The following ADAMTS12 variants were observed in gnomAD, a reference collection of about 807,000 sequenced individuals.
ADAMTS12 encodes the protein ADAM metallopeptidase with thrombospondin type 1 motif 12.
Under a neutral mutation model 167.8 loss-of-function variants are expected in ADAMTS12, and 118 were observed. The observed-to-expected ratio is 0.70, with a 90% CI of 0.61 to 0.82. The LOEUF (loss-of-function observed/expected upper bound fraction) is 0.82. Ranked by LOEUF, ADAMTS12 falls within the 40% of genes least tolerant of loss-of-function variation. ADAMTS12 has a pLI of 0.00. For synonymous variants in ADAMTS12, 704 were observed against 716.9 expected, an observed-to-expected ratio of 0.98 and a Z score of 0.29; for missense variants, 1,916 against 1,998.8, an observed-to-expected ratio of 0.96 and a Z score of 0.79.
intron 22 of ADAMTS12, among the ~76,000 whole-genome samples, chr5:33,539,208 C>G (rs1383231092): frequency 6.6e-6 from 1 of 152,202 alleles, no homozygotes; most frequent in East Asian, 1.9e-4. Context: ...TCCCAAAGTG[C>G]TAGGACTACA....
chr5:33,793,081 TC>T (rs1746638458), intron 2 of ADAMTS12, among the ~76,000 whole-genome samples: 3 of 152,274 alleles, frequency 2.0e-5, no homozygotes. Flanking sequence ...CACTGGGGTT[TC>T]ATCTGCCTCA....
intron 1 of ADAMTS12, among the ~76,000 whole-genome samples, chr5:33,890,947 C>CT (rs1750820457): frequency 6.6e-6 from 1 of 152,158 alleles, no homozygotes; most frequent in African/African-American, 2.4e-5. Flanking sequence ...GCCATTGCTG[C>CT]TGCTAGGACT....
intron 2 of ADAMTS12, among the ~76,000 whole-genome samples, chr5:33,866,258 G>T (rs897989202): frequency 6.6e-6 from 1 of 152,090 alleles, no homozygotes; most frequent in Non-Finnish European, 1.5e-5. Context: ...TAGGCCAATG[G>T]AACTGAATAG....
chr5:33,837,339 A>T (rs1748569830), intron 2 of ADAMTS12, among the ~76,000 whole-genome samples: 1 of 152,236 alleles, frequency 6.6e-6, no homozygotes, highest in Non-Finnish European at 1.5e-5. Context: ...ACTGAGTGGC[A>T]ATGGTGGAAA....
At chr5:33,608,657 C>T (rs1738568726) in intron 16 of ADAMTS12, among the ~76,000 whole-genome samples, 1 of 152,144 alleles carries the variant, frequency 6.6e-6, no homozygotes, top group African/African-American at 2.4e-5. Context: ...ACCAGTTCCA[C>T]CCAGAGGTAC....
intron 7 of ADAMTS12, among the ~76,000 whole-genome samples, chr5:33,657,685 T>C (rs1469157885): frequency 1.3e-5 from 2 of 152,214 alleles, no homozygotes; most frequent in Non-Finnish European, 2.9e-5. Flanking sequence ...ATTTATTCCA[T>C]GTCCTCCTTT....
At chr5:33,655,942 A>G (rs1243711213) in intron 7 of ADAMTS12, among the ~76,000 whole-genome samples, 1 of 152,142 alleles carries the variant, frequency 6.6e-6, no homozygotes, top group East Asian at 1.9e-4. Flanking sequence ...TTTGCTGAGA[A>G]TAATGGCTTT....
intron 21 of ADAMTS12, 118 bp from the exon 22 acceptor site, chr5:33,546,320 C>T: frequency 1.1e-6 from 1 of 945,650 alleles, no homozygotes; most frequent in Non-Finnish European, 1.4e-6. Context: ...ATATTGGTAT[C>T]TGTATTAGAA....
In ADAMTS12 at chr5:33,615,957, C is replaced by T; in HGVS notation, c.2259G>A (p.Leu753=). 6.2e-7 allele frequency: 1 copy of T among 1,614,128 alleles called. No individual in the cohort carries two copies. The highest frequency in any genetic ancestry group is 8.5e-7 in the Non-Finnish European group (1 of 1,180,014). ...TCCACTGGATAATAAACCCTCCATT[C>T]AGGTAATATTTTTCAGGATCTTCAC... is the stretch of plus-strand genomic sequence containing the variant. ...IRSEDPEKYY[L]NGGFIIQWNG... is the part of the protein sequence containing the mutation. The change falls in exon 15 of 24, where the codon CTG becomes CTA. Residue 753 remains leucine, a synonymous_variant. Transcript: ENST00000504830.
chr5:33,713,460 T>C (rs1225300554), intron 3 of ADAMTS12, among the ~76,000 whole-genome samples: 1 of 152,138 alleles, frequency 6.6e-6, no homozygotes, highest in South Asian at 2.1e-4. Flanking sequence ...AACAACCTTT[T>C]ATTGCTGGTT....
intron 2 of ADAMTS12, among the ~76,000 whole-genome samples, chr5:33,875,104 A>G (rs537151436): frequency 2.6e-5 from 4 of 152,368 alleles, no homozygotes; most frequent in East Asian, 1.9e-4. Flanking sequence ...TACATATTGT[A>G]TGCTTTACAA....
At chr5:33,824,097 C>A (rs182398442) in intron 2 of ADAMTS12, among the ~76,000 whole-genome samples, 14 of 152,282 alleles carry the variant, frequency 9.2e-5, no homozygotes, top group African/African-American at 3.1e-4. Flanking sequence ...TGAGCCAACT[C>A]ACTCACTGAG....
At chr5:33,780,577 C>T (rs1054206071) in intron 2 of ADAMTS12, among the ~76,000 whole-genome samples, 2 of 152,102 alleles carry the variant, frequency 1.3e-5, no homozygotes, top group African/African-American at 2.4e-5. Flanking sequence ...GGTAGATTGA[C>T]GCAAAAAGAA....
chr5:33,702,082 G>A lies in ADAMTS12; in HGVS notation c.635-18027C>T, dbSNP rs1035654931. On this transcript the variant is annotated intron_variant, in intron 3 of 23. Coordinates refer to ENST00000504830, the MANE Select transcript of ADAMTS12 (RefSeq NM_030955.4). Reference sequence around the variant, plus strand: ...ACTAAAGTCTCCAACCCATCCCACCGAAGGAGAGTGTTACTAACACAGCAC... The same window carrying A: ...ACTAAAGTCTCCAACCCATCCCACCAAAGGAGAGTGTTACTAACACAGCAC... Among the ~76,000 whole-genome samples the A allele has an allele frequency of 3.3e-5, 5 of 152,218 alleles. No individual in the cohort carries two copies. The South Asian group carries it at 6.2e-4, about 19-fold the overall frequency.
At position 33,618,082 on chromosome 5, in the gene ADAMTS12, C is replaced by A. The variant is rs559596914; in HGVS notation, c.2144-2010G>T. Among the ~76,000 whole-genome samples the A allele has an allele frequency of 5.0e-4, 76 of 152,318 alleles. 2 individuals are homozygous for A. In the South Asian group the frequency reaches 0.013, roughly 25 times the overall value. On this transcript the variant is annotated intron_variant, in intron 14 of 23. Transcript: ENST00000504830. ...ACTTGACCAGAAGCTCTACCAATAACATCAACAGTCCACTAATACATATTT... is the reference window on the plus strand; with the variant it reads ...ACTTGACCAGAAGCTCTACCAATAAAATCAACAGTCCACTAATACATATTT...
At chr5:33,684,479 T>C (rs968031943) in intron 3 of ADAMTS12, among the ~76,000 whole-genome samples, 4 of 152,202 alleles carry the variant, frequency 2.6e-5, no homozygotes, top group Non-Finnish European at 5.9e-5. Context: ...TGGAAATTGA[T>C]GCTCAAAGTG....
chr5:33,694,954 A>C (rs962910348), intron 3 of ADAMTS12, among the ~76,000 whole-genome samples: 2 of 152,190 alleles, frequency 1.3e-5, no homozygotes, highest in Non-Finnish European at 2.9e-5. Context: ...ACATATTTGT[A>C]TTGTAGAGCA....
intron 21 of ADAMTS12, among the ~76,000 whole-genome samples, chr5:33,546,974 TG>T (rs1745015265): frequency 6.6e-6 from 1 of 152,210 alleles, no homozygotes; most frequent in South Asian, 2.1e-4. Flanking sequence ...AGTATGTGTG[TG>T]GTAGTATCAT....
intron 5 of ADAMTS12, among the ~76,000 whole-genome samples, chr5:33,663,811 C>T (rs949352082): frequency 6.6e-6 from 1 of 152,154 alleles, no homozygotes; most frequent in Non-Finnish European, 1.5e-5. Flanking sequence ...CTGTTTTTAA[C>T]CCTACATTTC....
Sources: allele counts gnomAD v4.1 joint callset (sites outside exome capture counted in the v4.1 genomes callset), GRCh38; gene constraint gnomAD v4.1.1; transcripts MANE v1.5; gene names NCBI Gene and HGNC (gene_info 2026-07-23, HGNC 2026-07-21).